Variants in ARHGAP39 observed in about 807,000 individuals in gnomAD.
The protein encoded by ARHGAP39 is Rho GTPase activating protein 39.
In ARHGAP39, 44 loss-of-function variants were observed where a neutral mutation model predicts 106.9. The ratio of observed to expected loss-of-function variants is 0.41; its 90% CI spans 0.32 to 0.53. The LOEUF is 0.53. Ranked by LOEUF, ARHGAP39 falls within the 20% of genes least tolerant of loss-of-function variation. ARHGAP39 has a pLI of 0.21. For missense variants in ARHGAP39, 1,496 were observed against 1,577.3 expected (o/e 0.95, Z 0.87); for synonymous variants, 768 against 693.2 (o/e 1.11, Z -1.69).
At chr8:144,598,035 C>T (rs1378351325) in intron 2 of ARHGAP39, among the ~76,000 whole-genome samples, 1 of 152,204 alleles carries the variant, frequency 6.6e-6, no homozygotes, top group East Asian at 1.9e-4. Flanking sequence ...TAGGAAGCCA[C>T]GCAGACCCAC....
At chr8:144,680,372 G>A (rs1822375221) in intron 1 of ARHGAP39, among the ~76,000 whole-genome samples, 2 of 152,220 alleles carry the variant, frequency 1.3e-5, no homozygotes, top group Admixed American at 1.3e-4. Flanking sequence ...GAGCGGCCAT[G>A]GACAATACAG....
intron 1 of ARHGAP39, among the ~76,000 whole-genome samples, chr8:144,610,843 G>A (rs1045932545): frequency 3.3e-5 from 5 of 152,098 alleles, no homozygotes; most frequent in South Asian, 2.1e-4. Context: ...TTGAGATGGA[G>A]TCTCACTCTG....
In ARHGAP39 at chr8:144,547,633, TG is replaced by T; in HGVS notation, c.1452del (p.Thr485GlnfsTer52). ...SWSSQQDTLS[S>X]TGYSPGTRKR... The stretch of plus-strand genomic sequence containing the variant: ...TTGCGCGTGCCCGGGGAGTAGCCTG[TG>T]GAGGACAGGGTGTCCTGCTGGCTGG... On this transcript the variant is annotated frameshift_variant, in exon 5 of 12. Coordinates refer to ENST00000377307, the MANE Select transcript of ARHGAP39 (RefSeq NM_025251.3). LOFTEE classifies it high-confidence loss of function. This position sits in a 1 kb window ranked among gnomAD's most constrained non-coding sequence, Gnocchi z 5.2. 6.6e-7 allele frequency: 1 copy of T among 1,522,578 alleles called. No homozygotes were observed. 94.3% of individuals were successfully genotyped at this position (1,522,578 alleles called of 1,614,324 possible).
intron 3 of ARHGAP39, among the ~76,000 whole-genome samples, chr8:144,557,998 G>C (rs1465802200): frequency 2.6e-5 from 4 of 152,242 alleles, no homozygotes; most frequent in African/African-American, 9.6e-5. Context: ...AACTTCAGCA[G>C]TGCGGAGAGA....
intron 2 of ARHGAP39, among the ~76,000 whole-genome samples, chr8:144,603,687 C>CA (rs922284218): frequency 0.052 from 4,008 of 77,608 alleles, 131 homozygotes; most frequent in East Asian, 0.11. Flanking sequence ...GAGACTCCAT[C>CA]AAAAAAAAAA....
rs762037018 is a variant in ARHGAP39, at chr8:144,533,158, C to T, written c.2856G>A (p.Ala952=). Residue 952 remains alanine (A), a synonymous_variant, in exon 9 of 12, where the codon GCG becomes GCA. Coordinates refer to ENST00000377307, the MANE Select transcript of ARHGAP39 (RefSeq NM_025251.3). ...VQTRLSEEVL[A]LNGDQTEGIF... ...TGCCCTCTGTCTGGTCACCGTTGAG[C>T]GCCAGCACCTCCTCAGAGAGCCGTG... The T allele has an allele frequency of 3.9e-5, 62 of 1,609,102 alleles. No individual in the cohort carries two copies. The highest frequency in any genetic ancestry group is 6.7e-5 in the African/African-American group (5 of 74,940).
At chr8:144,532,230 AGGCGGAGACAGG>A in intron 10 of ARHGAP39, 63 bp downstream of exon 10, 1 of 1,290,020 alleles carries the variant, frequency 7.8e-7, no homozygotes. Context: ...TGGACCCCAG[AGGCGGAGACAGG>A]GGCCCCTGAG....
chr8:144,622,148 C>A (rs1820822908), intron 1 of ARHGAP39, among the ~76,000 whole-genome samples: 1 of 152,166 alleles, frequency 6.6e-6, no homozygotes, highest in South Asian at 2.1e-4. Flanking sequence ...AGCAGCGGGA[C>A]ACAGGCAGAC....
chr8:144,565,842 C>T (rs1019756444), intron 3 of ARHGAP39, among the ~76,000 whole-genome samples: 8 of 150,588 alleles, frequency 5.3e-5, no homozygotes, highest in East Asian at 3.9e-4. Flanking sequence ...TCACACTTGT[C>T]GCACTACGGG....
upstream of ARHGAP39, among the ~76,000 whole-genome samples, chr8:144,689,089 T>C (rs1015184001): frequency 2.6e-5 from 4 of 152,136 alleles, no homozygotes; most frequent in Non-Finnish European, 5.9e-5. Context: ...TATTGTTTAA[T>C]AGAGCCTCTG....
intron 3 of ARHGAP39, among the ~76,000 whole-genome samples, chr8:144,573,549 T>C (rs543944567): frequency 2.6e-5 from 4 of 152,280 alleles, no homozygotes; most frequent in Non-Finnish European, 4.4e-5. Flanking sequence ...GGCACATGTA[T>C]ACCTATGTAA....
chr8:144,548,448 A>C lies in ARHGAP39; in HGVS notation c.638T>G (p.Met213Arg). The C allele has an allele frequency of 6.2e-7, 1 of 1,610,808 alleles. No homozygotes were observed. ...LRWNSGAKERMLIKVADREPS... is the reference protein window; with the variant it reads ...LRWNSGAKERRLIKVADREPS... ...CTCCCGATCAGCGACCTTGATGAGC[A>C]TGCGCTCTTTGGCGCCCGAGTTCCA... is the stretch of plus-strand genomic sequence containing the variant. Residue 213 changes from methionine to arginine, a missense_variant, in exon 5 of 12, where the codon ATG becomes AGG. Around this residue, in one of 4 missense-constraint regions of ARHGAP39, gnomAD observed 905 missense variants for 816.4 expected, o/e 1.11. Coordinates refer to ENST00000377307, the MANE Select transcript of ARHGAP39 (RefSeq NM_025251.3). This position sits in a 1 kb window ranked among gnomAD's most constrained non-coding sequence, Gnocchi z 7.4.
intron 1 of ARHGAP39, among the ~76,000 whole-genome samples, chr8:144,680,122 CA>C (rs2129761502): frequency 6.6e-6 from 1 of 152,306 alleles, no homozygotes; most frequent in East Asian, 1.9e-4. Context: ...CCTTTGCTCC[CA>C]AAATGTGAAA....
intron 2 of ARHGAP39, among the ~76,000 whole-genome samples, chr8:144,605,104 T>C (rs1820233335): frequency 6.6e-6 from 1 of 151,876 alleles, no homozygotes; most frequent in Admixed American, 6.6e-5. Flanking sequence ...TTACAAAAAA[T>C]TAGAAAAATC....
At chr8:144,623,567 C>T (rs113782624) in intron 1 of ARHGAP39, among the ~76,000 whole-genome samples, 11 of 152,222 alleles carry the variant, frequency 7.2e-5, no homozygotes, top group African/African-American at 2.7e-4. Context: ...GGCGGCCTCG[C>T]GGCACAGACA....
chr8:144,622,198 G>C (rs543310311), intron 1 of ARHGAP39, among the ~76,000 whole-genome samples: 97 of 152,306 alleles, frequency 6.4e-4, no homozygotes, highest in African/African-American at 2.3e-3. Context: ...CCCAAGGTGA[G>C]GGGTCCCGGG....
At position 144,547,389 on chromosome 8, in the gene ARHGAP39, G is replaced by A. The variant is rs1279708284; in HGVS notation, c.1697C>T (p.Ala566Val). 2 of 1,594,974 alleles carry A rather than the reference G, an allele frequency of 1.3e-6. No individual in the cohort carries two copies. The highest frequency in any genetic ancestry group is 1.1e-5 in the South Asian group (1 of 90,452). Residue 566 changes from alanine (A) to valine (V), a missense_variant, in exon 5 of 12, where the codon GCC becomes GTC. Physicochemically the swap from Ala to Val is moderately conservative, Grantham distance 64 (BLOSUM62 0). Coordinates refer to ENST00000377307, the MANE Select transcript of ARHGAP39 (RefSeq NM_025251.3). This position sits in a 1 kb window ranked among gnomAD's most constrained non-coding sequence, Gnocchi z 5.2. ...QARLAWEAQQ[A>V]HFHMKQRSSW... ...GCTCCTCTGCTTCATGTGGAAGTGG[G>A]CCTGCTGCGCCTCCCAGGCCAGCCG...
rs751548610 is a variant in ARHGAP39, at chr8:144,548,473, A to G, written c.613T>C (p.Trp205Arg). The change falls in exon 5 of 12, where the codon TGG (tryptophan) becomes CGG (arginine). Residue 205 changes from tryptophan to arginine, a missense_variant. This residue lies in a region of ARHGAP39 where 905 missense variants were observed against 816.4 expected (regional missense o/e 1.11). Transcript: ENST00000377307. This position sits in a 1 kb window ranked among gnomAD's most constrained non-coding sequence, Gnocchi z 7.4. ...LLHYRTSSLRWNSGAKERMLI... is the reference protein window; with the variant it reads ...LLHYRTSSLRRNSGAKERMLI... ...ATGCGCTCTTTGGCGCCCGAGTTCC[A>G]CCGCAGCGAGGAGGTCCTGCGTGGG... 3.1e-6 allele frequency: 5 copies of G among 1,609,788 alleles called. No individual in the cohort carries two copies. In the East Asian group the frequency reaches 1.1e-4, roughly 36 times the overall value.
At chr8:144,691,139 A>G in the ARHGAP39 span, among the ~76,000 whole-genome samples, 8 of 152,156 alleles carry the variant, frequency 5.3e-5, no homozygotes, top group East Asian at 1.5e-3. Flanking sequence ...CAGTGTGCAG[A>G]CCTTGGCTCA....
Sources: allele counts gnomAD v4.1 joint callset (sites outside exome capture counted in the v4.1 genomes callset), GRCh38; gene constraint gnomAD v4.1.1; regional missense constraint gnomAD v4.1.1; non-coding constraint Gnocchi (gnomAD v3.1); transcripts MANE v1.5; gene names NCBI Gene and HGNC (gene_info 2026-07-23, HGNC 2026-07-21).